ZNF710: variants seen among roughly 807,000 people sequenced by gnomAD.
The protein encoded by ZNF710 is zinc finger protein 710.
In ZNF710, 13 loss-of-function variants were observed where a neutral mutation model predicts 50.6. The ratio of observed to expected loss-of-function variants is 0.26; its 90% CI spans 0.17 to 0.41. The LOEUF (loss-of-function observed/expected upper bound fraction) is 0.41, where lower values mean the gene tolerates loss of function less well. ZNF710 is among the 10% of genes least tolerant of loss of function. The pLI is 1.00. For missense variants in ZNF710, 721 were observed against 936.6 expected, an observed-to-expected ratio of 0.77 and a Z score of 3.01; for synonymous variants, 383 against 397.0, an observed-to-expected ratio of 0.96 and a Z score of 0.42.
chr15:90,052,663 G>T (rs1899681408), intron 1 of ZNF710, among the ~76,000 whole-genome samples: 2 of 152,232 alleles, frequency 1.3e-5, no homozygotes, highest in South Asian at 2.1e-4. Flanking sequence ...TGGTTCGGTG[G>T]CTCACGCCTG....
intron 1 of ZNF710, among the ~76,000 whole-genome samples, chr15:90,053,827 C>A (rs1389666463): frequency 6.6e-6 from 1 of 152,098 alleles, no homozygotes; most frequent in Non-Finnish European, 1.5e-5. Flanking sequence ...CACTTCCCAC[C>A]CGTGTGTTTT....
At chr15:90,053,632 G>A (rs1413933967) in intron 1 of ZNF710, among the ~76,000 whole-genome samples, 4 of 152,098 alleles carry the variant, frequency 2.6e-5, no homozygotes, top group South Asian at 2.1e-4. Flanking sequence ...GAGCCCCTGC[G>A]CCAGTCAGCA....
chr15:90,032,775 CAAAAAA>C (rs35943176), intron 1 of ZNF710, among the ~76,000 whole-genome samples: 1 of 111,192 alleles, frequency 9.0e-6, no homozygotes. Context: ...GATTCCATCT[CAAAAAA>C]AAAAAAAAAA....
chr15:90,007,061 C>T (rs564839652), intron 1 of ZNF710, among the ~76,000 whole-genome samples: 79 of 152,218 alleles, frequency 5.2e-4, no homozygotes, highest in African/African-American at 1.9e-3. Context: ...GGTCTGACTT[C>T]TGTAAGCACT....
intron 1 of ZNF710, among the ~76,000 whole-genome samples, chr15:90,044,986 C>A (rs1297183078): frequency 6.6e-6 from 1 of 152,194 alleles, no homozygotes; most frequent in Non-Finnish European, 1.5e-5. Flanking sequence ...GCTCCCTCCC[C>A]CAGAGTGCCT....
intron 1 of ZNF710, among the ~76,000 whole-genome samples, chr15:90,060,672 G>T (rs1190273751): frequency 1.3e-5 from 2 of 152,040 alleles, no homozygotes; most frequent in East Asian, 3.8e-4. Context: ...TGGCCAACAT[G>T]GTGAACACCT....
intron 2 of ZNF710, among the ~76,000 whole-genome samples, chr15:90,072,438 A>G (rs1036081982): frequency 6.6e-6 from 1 of 152,150 alleles, no homozygotes; most frequent in Admixed American, 6.5e-5. Context: ...TTAGGAAAAC[A>G]CTTTCAAGAG....
In ZNF710 at chr15:90,034,499, G is replaced by A. The variant is rs986978096; in HGVS notation, c.-28-32611G>A. On this transcript the variant is annotated intron_variant, in intron 1 of 4. Transcript: ENST00000268154. The surrounding 1 kb of genome is among the most constrained non-coding windows in gnomAD (Gnocchi z 4.0). ...GTATTCTGTGCCTGTGGTGGTGGTG[G>A]CCATGGTGTCGGCAGCAGCAGGGTT... Among the ~76,000 whole-genome samples, 1 of 150,556 alleles carries A rather than the reference G, an allele frequency of 6.6e-6. No homozygotes were observed.
chr15:90,076,585 AC>A (rs1205522846), intron 4 of ZNF710: 3 of 150,504 alleles, frequency 2.0e-5, no homozygotes, highest in African/African-American at 7.3e-5. Flanking sequence ...TACTAAAAAT[AC>A]AAAAATTAGC....
In ZNF710 at chr15:90,022,452, T is replaced by C. The variant is rs188944839; in HGVS notation, c.-29+20838T>C. 6.4e-3 allele frequency among the ~76,000 whole-genome samples: 971 copies of C among 151,818 alleles called. 5 individuals are homozygous for C. Among genetic ancestry groups the C allele is most frequent in the Non-Finnish European group, 0.011 (725 of 67,920 alleles). On this transcript the variant is annotated intron_variant, in intron 1 of 4. Coordinates refer to ENST00000268154, the MANE Select transcript of ZNF710 (RefSeq NM_198526.4). ...GGCAGCAAGGGACACACTTGAGGAGTCCGAGGGGGATTGTGGGTGAGATGG... is the reference window on the plus strand; with the variant it reads ...GGCAGCAAGGGACACACTTGAGGAGCCCGAGGGGGATTGTGGGTGAGATGG...
chr15:90,065,013 G>A (rs1337490073), intron 1 of ZNF710, among the ~76,000 whole-genome samples: 1 of 152,130 alleles, frequency 6.6e-6, no homozygotes, highest in African/African-American at 2.4e-5. Context: ...TGGACATTGG[G>A]GTGGGGTGTG....
chr15:90,034,066 G>A lies in ZNF710; in HGVS notation c.-29+32452G>A, dbSNP rs941614484. Among the ~76,000 whole-genome samples the A allele has an allele frequency of 5.3e-5, 8 of 152,038 alleles. No homozygotes were observed. Among genetic ancestry groups the A allele is most frequent in the Non-Finnish European group, 8.8e-5 (6 of 68,002 alleles). On this transcript the variant is annotated intron_variant, in intron 1 of 4. Transcript: ENST00000268154. This position sits in a 1 kb window ranked among gnomAD's most constrained non-coding sequence, Gnocchi z 4.0. Reference sequence around the variant, plus strand: ...AAAGTACAAAAATTAGCTGGGCGTGGTAGCAGCTGTAGTCCCAGCTACTCG... The same window carrying A: ...AAAGTACAAAAATTAGCTGGGCGTGATAGCAGCTGTAGTCCCAGCTACTCG...
intron 1 of ZNF710, among the ~76,000 whole-genome samples, chr15:90,050,211 T>C (rs1899596914): frequency 6.6e-6 from 1 of 152,208 alleles, no homozygotes; most frequent in Non-Finnish European, 1.5e-5. Flanking sequence ...TGTGGGTGAC[T>C]GCAAAATAAA....
At chr15:90,031,689 G>T (rs930325236) in intron 1 of ZNF710, among the ~76,000 whole-genome samples, 2 of 152,144 alleles carry the variant, frequency 1.3e-5, no homozygotes, top group South Asian at 2.1e-4. Context: ...TGCAGCAGGG[G>T]CATCTTCAGT....
Position 90,067,374 on chromosome 15 carries a change from G to A in ZNF710, c.237G>A (p.Pro79=), listed in dbSNP as rs200220680. 4.4e-4 allele frequency: 710 copies of A among 1,596,238 alleles called. 4 individuals are homozygous for A. Among genetic ancestry groups the A allele is most frequent in the Non-Finnish European group, 3.9e-5 (46 of 1,171,202 alleles). The change falls in exon 2 of 5, where the codon CCG becomes CCA. Residue 79 remains proline, a synonymous_variant. Transcript: ENST00000268154. This position sits in a 1 kb window ranked among gnomAD's most constrained non-coding sequence, Gnocchi z 8.1. The stretch of plus-strand genomic sequence containing the variant: ...GCAACGGGAGGGCCTTGGAGGAGCC[G>A]GCGGAGGAGGAGGTGCTGGAGGTGG... ...LACNGRALEE[P]AEEEVLEVEA... is the part of the protein sequence containing the mutation.
intron 1 of ZNF710, among the ~76,000 whole-genome samples, chr15:90,002,145 A>G (rs1446233746): frequency 6.8e-6 from 1 of 146,478 alleles, no homozygotes; most frequent in African/African-American, 2.5e-5. Context: ...TCAAAGTTTC[A>G]CCCCCTCGCC....
intron 1 of ZNF710, among the ~76,000 whole-genome samples, chr15:90,060,581 C>G (rs1182253412): frequency 6.6e-6 from 1 of 152,074 alleles, no homozygotes; most frequent in Non-Finnish European, 1.5e-5. Flanking sequence ...AGGCCGGGCG[C>G]AGTAGCTCAC....
At chr15:90,060,407 A>T (rs1899970455) in intron 1 of ZNF710, among the ~76,000 whole-genome samples, 1 of 152,146 alleles carries the variant, frequency 6.6e-6, no homozygotes. Context: ...ATGTAAAATT[A>T]GACAGGTGTG....
Position 90,067,712 on chromosome 15 carries a change from C to T in ZNF710, c.575C>T (p.Pro192Leu), listed in dbSNP as rs757423885. The change falls in exon 2 of 5, where the codon CCG (proline) becomes CTG (leucine). Residue 192 changes from proline (P) to leucine (L), a missense_variant. Physicochemically the swap from Pro to Leu is moderately conservative, Grantham distance 98. Coordinates refer to ENST00000268154, the MANE Select transcript of ZNF710 (RefSeq NM_198526.4). This position sits in a 1 kb window ranked among gnomAD's most constrained non-coding sequence, Gnocchi z 8.1. ...LNVAPYDPHF[P>L]APARDGFPEP... ...GTGGCCCCATATGACCCTCACTTCCCGGCCCCGGCCCGGGATGGCTTCCCC... is the reference window on the plus strand; with the variant it reads ...GTGGCCCCATATGACCCTCACTTCCTGGCCCCGGCCCGGGATGGCTTCCCC... 30 of 1,606,888 alleles carry T rather than the reference C, an allele frequency of 1.9e-5. No homozygotes were observed. Among genetic ancestry groups the T allele is most frequent in the East Asian group, 1.6e-4 (7 of 44,730 alleles).
Sources: allele counts gnomAD v4.1 joint callset (sites outside exome capture counted in the v4.1 genomes callset), GRCh38; gene constraint gnomAD v4.1.1; non-coding constraint Gnocchi (gnomAD v3.1); transcripts MANE v1.5; gene names NCBI Gene and HGNC (gene_info 2026-07-23, HGNC 2026-07-21).